Variants in CACNA1C observed in about 807,000 individuals in gnomAD.
The protein encoded by CACNA1C is calcium voltage-gated channel subunit alpha1 C, also known as voltage-dependent L-type calcium channel subunit alpha-1C.
In CACNA1C, 30 loss-of-function variants were observed where a neutral mutation model predicts 229.0. The observed-to-expected ratio is 0.13, with a 90% CI of 0.10 to 0.18. The LOEUF is 0.18. Ranked by LOEUF, CACNA1C falls within the 10% of genes least tolerant of loss-of-function variation. The pLI, the probability that CACNA1C is intolerant of heterozygous loss-of-function variation, is 1.00. For missense variants in CACNA1C, 1,658 were observed against 2,845.0 expected (o/e 0.58, Z 9.49); for synonymous variants, 1,114 against 1,132.5 (o/e 0.98, Z 0.33).
At chr12:2,159,276 C>A (rs867590059) in intron 3 of CACNA1C, among the ~76,000 whole-genome samples, 6 of 152,178 alleles carry the variant, frequency 3.9e-5, no homozygotes, top group Middle Eastern at 3.4e-3. Context: ...GGGAGGATTA[C>A]TTGAGCCCAG....
chr12:2,192,005 CACAT>C (rs1403654796), intron 3 of CACNA1C, among the ~76,000 whole-genome samples: 3 of 152,138 alleles, frequency 2.0e-5, no homozygotes, highest in Admixed American at 1.3e-4. Context: ...TGTATTCACA[CACAT>C]ACGTTCACAC....
intron 6 of CACNA1C, among the ~76,000 whole-genome samples, chr12:2,491,925 G>C (rs1361598606): frequency 1.3e-5 from 2 of 151,550 alleles, no homozygotes; most frequent in Non-Finnish European, 2.9e-5. Flanking sequence ...ATAATCCTGG[G>C]TTATCTGTTG....
intron 3 of CACNA1C, among the ~76,000 whole-genome samples, chr12:2,438,400 G>A (rs1304667415): frequency 8.8e-6 from 1 of 114,168 alleles, no homozygotes; most frequent in Non-Finnish European, 1.9e-5. Context: ...TAGTCATGGT[G>A]GTGGTGGTGA....
At chr12:2,107,568 G>A (rs1289907541) in intron 1 of CACNA1C, among the ~76,000 whole-genome samples, 2 of 152,280 alleles carry the variant, frequency 1.3e-5, no homozygotes, top group Admixed American at 6.5e-5. Context: ...GATTTCTCTC[G>A]CTTAGGCTGG....
chr12:2,001,504 T>C (rs1366641894), intron 1 of CACNA1C, among the ~76,000 whole-genome samples: 1 of 152,240 alleles, frequency 6.6e-6, no homozygotes, highest in Non-Finnish European at 1.5e-5. Context: ...TTTTGGGGAC[T>C]CTGCACACTG....
At chr12:2,249,949 C>T (rs1389279238) in intron 3 of CACNA1C, among the ~76,000 whole-genome samples, 1 of 152,164 alleles carries the variant, frequency 6.6e-6, no homozygotes, top group Non-Finnish European at 1.5e-5. Flanking sequence ...GCTGAGACTA[C>T]AGGCGCCCGC....
intron 1 of CACNA1C, among the ~76,000 whole-genome samples, chr12:1,983,708 T>C (rs1388247342): frequency 3.3e-5 from 5 of 152,112 alleles, no homozygotes; most frequent in East Asian, 1.9e-4. Flanking sequence ...TGTCATTCGA[T>C]AGAATATAAT....
intron 3 of CACNA1C, among the ~76,000 whole-genome samples, chr12:2,362,367 G>T (rs1449180907): frequency 2.6e-5 from 4 of 152,168 alleles, no homozygotes; most frequent in African/African-American, 9.7e-5. Context: ...GCACTTCTTG[G>T]CCTTCACTCA....
At chr12:2,358,592 A>G (rs191751036) in intron 3 of CACNA1C, among the ~76,000 whole-genome samples, 1 of 152,278 alleles carries the variant, frequency 6.6e-6, no homozygotes, top group East Asian at 1.9e-4. Context: ...AAATTATCAT[A>G]TAAGAAAGGA....
At chr12:2,202,863 A>G (rs535751372) in intron 3 of CACNA1C, among the ~76,000 whole-genome samples, 3 of 152,302 alleles carry the variant, frequency 2.0e-5, no homozygotes, top group South Asian at 2.1e-4. Flanking sequence ...AGCCCCGGAG[A>G]TGAAGTTGTC....
In CACNA1C at chr12:2,023,733, C is replaced by G. The variant is rs112952150; in HGVS notation, c.139+52532C>G. Among the ~76,000 whole-genome samples, 5 of 152,252 alleles carry G rather than the reference C, an allele frequency of 3.3e-5. 1 individual carries two copies. The highest frequency in any genetic ancestry group is 1.2e-4 in the African/African-American group (5 of 41,536). On this transcript the variant is annotated intron_variant, in intron 1 of 46. Transcript: ENST00000682462. ...GTAAGTCCAGTTTGACAAAAATGTG[C>G]CTTTCTAAGTAAATGCAGCTCACAG...
chr12:2,679,726 G>A lies in CACNA1C; in HGVS notation c.5374G>A (p.Glu1792Lys), dbSNP rs567152787. 6.2e-7 allele frequency: 1 copy of A among 1,606,738 alleles called. No individual in the cohort carries two copies. The highest frequency in any genetic ancestry group is 1.7e-5 in the Admixed American group (1 of 58,916). The change falls in exon 42 of 47, where the codon GAG becomes AAG. Residue 1792 changes from glutamate (E) to lysine (K), a missense_variant. Physicochemically the swap from Glu to Lys is moderately conservative, Grantham distance 56. Around this residue, in one of 20 missense-constraint regions of CACNA1C, gnomAD observed 590 missense variants for 700.8 expected, o/e 0.84. Coordinates refer to ENST00000399655, the MANE Select transcript of CACNA1C (RefSeq NM_000719.7). This position sits in a 1 kb window ranked among gnomAD's most constrained non-coding sequence, Gnocchi z 5.5. ...CTACCCCAGCACGGTCAGCACTGTG[G>A]AGGGCCACGGGCCCCCCTTGTCCCC... ...AGYPSTVSTVEGHGPPLSPAI... is the reference protein window; with the variant it reads ...AGYPSTVSTVKGHGPPLSPAI...
intron 2 of CACNA1C, among the ~76,000 whole-genome samples, chr12:2,118,685 T>A (rs1458527694): frequency 6.6e-6 from 1 of 152,232 alleles, no homozygotes; most frequent in Non-Finnish European, 1.5e-5. Context: ...GCTTCTGTCC[T>A]TACTGTCACC....
At position 2,265,049 on chromosome 12, in the gene CACNA1C, G is replaced by A. The variant is rs556378365; in HGVS notation, c.477+144619G>A. On this transcript the variant is annotated intron_variant, in intron 3 of 46. Transcript: ENST00000399655. ...CAGCTCTAGGACGCCTGCCTGATGA[G>A]CTGAGGTCATTCCTACCCTCAAGTG... Among the ~76,000 whole-genome samples the A allele has an allele frequency of 5.0e-4, 76 of 152,312 alleles. 2 individuals are homozygous for A. In the South Asian group the frequency reaches 0.015, roughly 30 times the overall value.
chr12:2,031,855 T>C (rs1308029989), intron 1 of CACNA1C, among the ~76,000 whole-genome samples: 1 of 152,190 alleles, frequency 6.6e-6, no homozygotes, highest in Non-Finnish European at 1.5e-5. Context: ...TGAGCAACAG[T>C]GGCAGGATCT....
At chr12:2,484,587 C>T (rs1457394697) in intron 5 of CACNA1C, among the ~76,000 whole-genome samples, 3 of 152,122 alleles carry the variant, frequency 2.0e-5, no homozygotes, top group African/African-American at 2.4e-5. Context: ...CCACACCCAC[C>T]GTTCTCTTGC....
intron 3 of CACNA1C, among the ~76,000 whole-genome samples, chr12:2,227,455 A>G (rs906038473): frequency 6.6e-6 from 1 of 152,230 alleles, no homozygotes; most frequent in African/African-American, 2.4e-5. Flanking sequence ...AAATGAAGAC[A>G]ATGCTATTGT....
rs11062183 is a variant in CACNA1C, at chr12:2,310,079, C to G, written c.478-138897C>G. Among the ~76,000 whole-genome samples the G allele has an allele frequency of 0.021, 3,256 of 152,262 alleles. 202 individuals are homozygous for G. The East Asian group carries it at 0.24, about 11-fold the overall frequency. ...CTGTCTGGTCCGCAGAGCTGCTCAG[C>G]TCACTGGTTGGCTACGAAGCGGAAC... On this transcript the variant is annotated intron_variant, in intron 3 of 46. Coordinates refer to ENST00000399655, the MANE Select transcript of CACNA1C (RefSeq NM_000719.7).
chr12:2,357,993 C>T (rs894951058), intron 3 of CACNA1C, among the ~76,000 whole-genome samples: 2 of 146,238 alleles, frequency 1.4e-5, no homozygotes, highest in Non-Finnish European at 3.0e-5. Context: ...AAAAAAAAAT[C>T]GCAACAAAAC....
Sources: gnomAD v4.1 joint callset for allele counts (sites outside exome capture counted in the v4.1 genomes callset) on GRCh38, gnomAD v4.1.1 for gene constraint, gnomAD v4.1.1 regional missense constraint, Gnocchi (gnomAD v3.1) non-coding constraint, MANE v1.5 for transcripts, NCBI Gene and HGNC (gene_info 2026-07-23, HGNC 2026-07-21) for gene names.